PCDHGA3: variants seen among roughly 807,000 people sequenced by gnomAD.
PCDHGA3 encodes protocadherin gamma-A3.
PCDHGA3 carries 40 observed loss-of-function variants against 58.5 expected under a neutral mutation model. That is an observed-to-expected ratio of 0.68 (90% CI 0.53 to 0.89). The LOEUF (loss-of-function observed/expected upper bound fraction) is 0.89, where lower values mean the gene tolerates loss of function less well. Ranked by LOEUF, PCDHGA3 falls within the 40% of genes least tolerant of loss-of-function variation. The pLI, the probability that PCDHGA3 is intolerant of heterozygous loss-of-function variation, is 0.00. For synonymous variants in PCDHGA3, 530 were observed against 525.7 expected (o/e 1.01, Z -0.11); for missense variants, 1,223 against 1,195.9 (o/e 1.02, Z -0.33).
At chr5:141,356,321 G>A (rs1482205004) in intron 1 of PCDHGA3, 4 of 1,554,266 alleles carry the variant, frequency 2.6e-6, no homozygotes, top group Non-Finnish European at 3.5e-6. Flanking sequence ...GTGCATGACA[G>A]TGACTCAGGA....
intron 1 of PCDHGA3, chr5:141,408,674 A>C (rs1005052894): frequency 6.2e-7 from 1 of 1,613,882 alleles, no homozygotes; most frequent in African/African-American, 1.3e-5. Flanking sequence ...TGACCCTGCC[A>C]CGGATCCTGA....
In PCDHGA3 at chr5:141,400,151, C is replaced by G. The variant is rs201457414; in HGVS notation, c.2424+53694C>G. ...GTGCTGCCGGATATCACTGACCGCC[C>G]TGTACCCTCTGACCCCCAGGCTGAG... On this transcript the variant is annotated intron_variant, in intron 1 of 3. Transcript: ENST00000253812. 6.4e-5 allele frequency: 104 copies of G among 1,614,086 alleles called. No individual in the cohort carries two copies. The highest frequency in any genetic ancestry group is 4.9e-4 in the Middle Eastern group (3 of 6,062).
At chr5:141,500,340 C>A (rs188966393) in intron 2 of PCDHGA3, among the ~76,000 whole-genome samples, 92 of 152,066 alleles carry the variant, frequency 6.0e-4, no homozygotes, top group African/African-American at 2.1e-3. Flanking sequence ...TCCAGAATAG[C>A]TGGGACTACA....
Position 141,432,289 on chromosome 5 carries a change from C to T in PCDHGA3, c.2425-62518C>T, listed in dbSNP as rs762278053. ...CGTCCTACGTGTCCATCAACTCCGACACTGGGGTACTGTATGCGCTGAGCT... is the reference window on the plus strand; with the variant it reads ...CGTCCTACGTGTCCATCAACTCCGATACTGGGGTACTGTATGCGCTGAGCT... On this transcript the variant is annotated intron_variant, in intron 1 of 3. Coordinates refer to ENST00000253812, the MANE Select transcript of PCDHGA3 (RefSeq NM_018916.4). The surrounding 1 kb of genome is among the most constrained non-coding windows in gnomAD (Gnocchi z 6.0). The T allele has an allele frequency of 6.2e-7, 1 of 1,614,266 alleles. No homozygotes were observed. Among genetic ancestry groups the T allele is most frequent in the Admixed American group, 1.7e-5 (1 of 60,038 alleles).
At chr5:141,375,775 C>A (rs1425476236) in intron 1 of PCDHGA3, 2 of 1,614,240 alleles carry the variant, frequency 1.2e-6, no homozygotes, top group East Asian at 2.2e-5. Flanking sequence ...AGATCCTGTA[C>A]CCCGCCCTCC....
At position 141,380,161 on chromosome 5, in the gene PCDHGA3, A is replaced by G. The variant is rs552815003; in HGVS notation, c.2424+33704A>G. Among the ~76,000 whole-genome samples, 14 of 152,240 alleles carry G rather than the reference A, an allele frequency of 9.2e-5. No individual in the cohort carries two copies. In the South Asian group the frequency reaches 1.5e-3, roughly 16 times the overall value. On this transcript the variant is annotated intron_variant, in intron 1 of 3. Transcript: ENST00000253812. The stretch of plus-strand genomic sequence containing the variant: ...GTGATCCACCCGCCTCAGCCTCTCA[A>G]AGGGCTGGGATTACAGGCATGAGCC...
At chr5:141,347,768 T>C (rs367671145) in intron 1 of PCDHGA3, among the ~76,000 whole-genome samples, 63 of 147,218 alleles carry the variant, frequency 4.3e-4, no homozygotes, top group African/African-American at 1.5e-3. Context: ...GCTGGGGCAA[T>C]AGAGAGAGAC....
chr5:141,355,081 C>G, intron 1 of PCDHGA3: 1 of 1,417,630 alleles, frequency 7.1e-7, no homozygotes, highest in Non-Finnish European at 9.4e-7. Context: ...AAGCTTCAAG[C>G]GGAAGCCCTG....
intron 1 of PCDHGA3, among the ~76,000 whole-genome samples, chr5:141,484,795 C>T (rs1265916821): frequency 6.6e-6 from 1 of 151,784 alleles, no homozygotes; most frequent in African/African-American, 2.4e-5. Context: ...AGATAACAAC[C>T]CGTGGAAAAA....
At chr5:141,394,122 C>G in intron 1 of PCDHGA3, 1 of 1,613,944 alleles carries the variant, frequency 6.2e-7, no homozygotes, top group Middle Eastern at 1.6e-4. Context: ...CACTGAAACT[C>G]AAATCGCTCT....
rs1001089000 is a variant in PCDHGA3, at chr5:141,370,469, A to T, written c.2424+24012A>T. The T allele has an allele frequency of 4.3e-6, 7 of 1,613,198 alleles. No homozygotes were observed. The African/African-American group carries it at 9.3e-5, about 22-fold the overall frequency. Reference sequence around the variant, plus strand: ...TATTTCTCTTCCTGCTCTCTTTGTTAGACCAGGCTCTCTCCGAACCGATCC... The same window carrying T: ...TATTTCTCTTCCTGCTCTCTTTGTTTGACCAGGCTCTCTCCGAACCGATCC... On this transcript the variant is annotated intron_variant, in intron 1 of 3. Transcript: ENST00000253812.
At chr5:141,438,985 A>G (rs1461265086) in intron 1 of PCDHGA3, among the ~76,000 whole-genome samples, 1 of 151,940 alleles carries the variant, frequency 6.6e-6, no homozygotes, top group Non-Finnish European at 1.5e-5. Context: ...ACTTATCTTA[A>G]AAGGCTAAGG....
chr5:141,377,445 A>T (rs1442230734), intron 1 of PCDHGA3: 1 of 152,050 alleles, frequency 6.6e-6, no homozygotes, highest in Admixed American at 6.6e-5. Flanking sequence ...AAAAGAAAAA[A>T]AAGTAGCCAG....
At position 141,366,500 on chromosome 5, in the gene PCDHGA3, C is replaced by T. The variant is rs538032302; in HGVS notation, c.2424+20043C>T. The T allele has an allele frequency of 1.5e-5, 24 of 1,614,276 alleles. No homozygotes were observed. In the South Asian group the frequency reaches 2.3e-4, roughly 16 times the overall value. On this transcript the variant is annotated intron_variant, in intron 1 of 3. Coordinates refer to ENST00000253812, the MANE Select transcript of PCDHGA3 (RefSeq NM_018916.4). The stretch of plus-strand genomic sequence containing the variant: ...ACTGAGGCGCTGGCACAAGTCACGC[C>T]TGCTTCAGGCTGAAGGCAGCAGGTT...
chr5:141,454,097 C>T (rs1021353610), intron 1 of PCDHGA3, among the ~76,000 whole-genome samples: 10 of 152,292 alleles, frequency 6.6e-5, no homozygotes, highest in Middle Eastern at 3.4e-3. Flanking sequence ...TTGAATTGAA[C>T]ATAAATGGAG....
intron 1 of PCDHGA3, chr5:141,413,386 GTC>G: frequency 6.2e-7 from 1 of 1,614,002 alleles, no homozygotes; most frequent in Non-Finnish European, 8.5e-7. Context: ...AGTCCGCATA[GTC>G]TCCAGAGGTA....
chr5:141,401,356 G>A (rs1274587222), intron 1 of PCDHGA3, among the ~76,000 whole-genome samples: 1 of 152,070 alleles, frequency 6.6e-6, no homozygotes, highest in Non-Finnish European at 1.5e-5. Flanking sequence ...AAAAAGGAAG[G>A]AGAAGGAGAG....
At chr5:141,448,893 C>G (rs957997508) in intron 1 of PCDHGA3, among the ~76,000 whole-genome samples, 2 of 151,948 alleles carry the variant, frequency 1.3e-5, no homozygotes, top group Non-Finnish European at 2.9e-5. Flanking sequence ...TGCAGTGAGC[C>G]GAGATCGTGC....
chr5:141,388,923 T>C (rs374663443), intron 1 of PCDHGA3: 7 of 1,614,002 alleles, frequency 4.3e-6, no homozygotes, highest in East Asian at 2.2e-5. Context: ...AGAAGTGATA[T>C]TCCAGTCTCT....
Sources: gnomAD v4.1 joint callset for allele counts (sites outside exome capture counted in the v4.1 genomes callset) on GRCh38, gnomAD v4.1.1 for gene constraint, Gnocchi (gnomAD v3.1) non-coding constraint, MANE v1.5 for transcripts, NCBI Gene and HGNC (gene_info 2026-07-23, HGNC 2026-07-21) for gene names.